Variants in CPA4 observed in about 807,000 individuals in gnomAD.
CPA4 encodes carboxypeptidase A4.
In CPA4, 49 loss-of-function variants were observed where a neutral mutation model predicts 54.7. The ratio of observed to expected loss-of-function variants is 0.90; its 90% CI spans 0.71 to 1.14. The LOEUF (loss-of-function observed/expected upper bound fraction) is 1.14. Among genes scored for constraint, CPA4 ranks in the 50% most tolerant of loss-of-function variants. The pLI, the probability that CPA4 is intolerant of heterozygous loss-of-function variation, is 0.00. For missense variants in CPA4, 487 were observed against 525.1 expected, an observed-to-expected ratio of 0.93 and a Z score of 0.71; for synonymous variants, 215 against 206.8, an observed-to-expected ratio of 1.04 and a Z score of -0.34.
chr7:130,293,346 A>C, intron 1 of CPA4, 98 bp downstream of exon 1: 1 of 783,828 alleles, frequency 1.3e-6, no homozygotes, highest in South Asian at 1.4e-5. Flanking sequence ...ATGGAGGAAG[A>C]AGACCTGGGC....
In CPA4 at chr7:130,306,899, T is replaced by C. The variant is rs1193027328; in HGVS notation, c.702+2T>C. The C allele has an allele frequency of 6.7e-7, 1 of 1,496,580 alleles. No individual in the cohort carries two copies. The highest frequency in any genetic ancestry group is 9.3e-7 in the Non-Finnish European group (1 of 1,072,950). 92.7% of individuals were successfully genotyped at this position (1,496,580 alleles called of 1,614,324 possible). A position where few individuals can be genotyped will look rare whatever the true frequency, so the allele number is the denominator to read the frequency against. ...GGATATGTGTATACTCAAACTCAAGTGAGTATTCCCAAATGGGCTGGGCTT... is the reference window on the plus strand; with the variant it reads ...GGATATGTGTATACTCAAACTCAAGCGAGTATTCCCAAATGGGCTGGGCTT... On this transcript the variant is annotated splice_donor_variant, in intron 7 of 10. Transcript: ENST00000222482. LOFTEE classifies it high-confidence loss of function.
At chr7:130,304,274 A>T (rs1793783349) in intron 4 of CPA4, among the ~76,000 whole-genome samples, 1 of 152,220 alleles carries the variant, frequency 6.6e-6, no homozygotes, top group South Asian at 2.1e-4. Context: ...TTGTGAACAA[A>T]CAAGTGTGCT....
chr7:130,295,283 T>C (rs963289154), intron 1 of CPA4, among the ~76,000 whole-genome samples: 1 of 152,108 alleles, frequency 6.6e-6, no homozygotes, highest in African/African-American at 2.4e-5. Context: ...GTCACCAAAG[T>C]GGGTATTGAC....
rs948758725 is a variant in CPA4 at position 130,317,758 on chromosome 7, C to T, written c.1079-4731C>T. Among the ~76,000 whole-genome samples the T allele has an allele frequency of 3.3e-5, 5 of 152,122 alleles. No homozygotes were observed. In the East Asian group the frequency reaches 9.6e-4, roughly 29 times the overall value. ...CTGGGATTACAGGCGTGAGCCACCT[C>T]GCCCTTCTTTCCCCTCTATTGGCTT... On this transcript the variant is annotated intron_variant, in intron 10 of 10. Transcript: ENST00000222482.
chr7:130,311,663 C>T (rs1318407180), intron 9 of CPA4, among the ~76,000 whole-genome samples: 2 of 152,158 alleles, frequency 1.3e-5, no homozygotes, highest in East Asian at 1.9e-4. Context: ...CTCATGTGTG[C>T]ATGACGTCTC....
Position 130,322,568 on chromosome 7 carries a change from C to A in CPA4, c.1158C>A (p.Thr386=). Residue 386 remains threonine, a synonymous_variant, in exon 11 of 11, where the codon ACC becomes ACA. Coordinates refer to ENST00000222482, the MANE Select transcript of CPA4 (RefSeq NM_016352.4). ...KFAFTFELRD[T]GTYGFLLPAN... is the part of the protein sequence containing the mutation. ...CATTCACATTTGAGTTGAGAGATACCGGGACCTATGGCTTCCTCCTGCCAG... is the reference window on the plus strand; with the variant it reads ...CATTCACATTTGAGTTGAGAGATACAGGGACCTATGGCTTCCTCCTGCCAG... 1.9e-6 allele frequency: 3 copies of A among 1,614,126 alleles called. No homozygotes were observed. Among genetic ancestry groups the A allele is most frequent in the Non-Finnish European group, 1.7e-6 (2 of 1,179,998 alleles).
In CPA4 at chr7:130,299,366, C is replaced by G. The variant is rs755348480; in HGVS notation, c.247C>G (p.Gln83Glu). 21 of 1,613,950 alleles carry G rather than the reference C, an allele frequency of 1.3e-5. No individual in the cohort carries two copies. Among genetic ancestry groups the G allele is most frequent in the Non-Finnish European group, 1.7e-5 (20 of 1,179,948 alleles). Residue 83 changes from glutamine to glutamate, a missense_variant, in exon 3 of 11, where the codon CAG becomes GAG. Transcript: ENST00000222482. ...LQAFKSFLRSQGLEYAVTIED... is the reference protein window; with the variant it reads ...LQAFKSFLRSEGLEYAVTIED... ...GGCATTTAAATCCTTCCTGAGATCC[C>G]AGGGCTTAGAGTACGCAGTGACAAT...
intron 9 of CPA4, among the ~76,000 whole-genome samples, chr7:130,311,441 C>G (rs927036304): frequency 3.9e-5 from 6 of 151,916 alleles, no homozygotes; most frequent in African/African-American, 1.5e-4. Flanking sequence ...AGGTGGCTGC[C>G]CAGGCTCACA....
At chr7:130,303,706 G>T (rs1410752114) in intron 4 of CPA4, among the ~76,000 whole-genome samples, 1 of 151,668 alleles carries the variant, frequency 6.6e-6, no homozygotes, top group Admixed American at 6.6e-5. Flanking sequence ...GTGGCTCACT[G>T]TAGCCTAAAC....
intron 10 of CPA4, among the ~76,000 whole-genome samples, chr7:130,316,806 G>A (rs934968637): frequency 7.3e-5 from 11 of 151,204 alleles, no homozygotes; most frequent in African/African-American, 2.7e-4. Context: ...TGTGGTGTGC[G>A]CCTGTAATCC....
At chr7:130,314,506 G>C (rs1275679265) in intron 10 of CPA4, among the ~76,000 whole-genome samples, 2 of 152,206 alleles carry the variant, frequency 1.3e-5, no homozygotes, top group Non-Finnish European at 2.9e-5. Flanking sequence ...TGTAGGAAGA[G>C]CTGCGTAAGC....
rs1181639782 is a variant in CPA4, at chr7:130,310,705, G to A, written c.794-82G>A. The A allele has an allele frequency of 7.5e-6, 10 of 1,325,618 alleles. No homozygotes were observed. Among genetic ancestry groups the A allele is most frequent in the African/African-American group, 2.9e-5 (2 of 69,160 alleles). 82.1% of individuals were successfully genotyped at this position (1,325,618 alleles called of 1,614,324 possible). Reference sequence around the variant, plus strand: ...TGGCCTGCCCATTCCCAATACCTTCGGCCCCTCTCTAGGTGGAGCGTCTTG... The same window carrying A: ...TGGCCTGCCCATTCCCAATACCTTCAGCCCCTCTCTAGGTGGAGCGTCTTG... On this transcript the variant is annotated intron_variant, in intron 8 of 10. Coordinates refer to ENST00000222482, the MANE Select transcript of CPA4 (RefSeq NM_016352.4). The surrounding 1 kb of genome is among the most constrained non-coding windows in gnomAD (Gnocchi z 4.3).
rs559507670 is a variant in CPA4 at position 130,309,092 on chromosome 7, C to T, written c.793+695C>T. ...AACTCCTGAACTCAGGTCATCTGCC[C>T]GCCTCAGCCTCCCAAAGTGCTGGGA... On this transcript the variant is annotated intron_variant, in intron 8 of 10. Coordinates refer to ENST00000222482, the MANE Select transcript of CPA4 (RefSeq NM_016352.4). Among the ~76,000 whole-genome samples the T allele has an allele frequency of 3.9e-5, 6 of 152,070 alleles. No individual in the cohort carries two copies. In the South Asian group the frequency reaches 1.0e-3, roughly 26 times the overall value.
rs751031919 is a variant in CPA4, at chr7:130,304,572, T to TA, written c.480dup (p.Leu161ThrfsTer41). Reference sequence around the variant, plus strand: ...TCGTTTGAAAACCGGCCGATGTATGTACTGAAGGTGAGGCCACATGCACTT... The same window carrying TA: ...TCGTTTGAAAACCGGCCGATGTATGTAACTGAAGGTGAGGCCACATGCACTT... On this transcript the variant is annotated frameshift_variant, in exon 5 of 11. Transcript: ENST00000222482. LOFTEE classifies it high-confidence loss of function. 1 of 1,603,148 alleles carries TA rather than the reference T, an allele frequency of 6.2e-7. No homozygotes were observed. Among genetic ancestry groups the TA allele is most frequent in the South Asian group, 1.1e-5 (1 of 90,898 alleles).
At chr7:130,321,523 A>G (rs1001701402) in intron 10 of CPA4, among the ~76,000 whole-genome samples, 1 of 152,142 alleles carries the variant, frequency 6.6e-6, no homozygotes, top group Admixed American at 6.5e-5. Flanking sequence ...GCCTCAGTCA[A>G]CCTAAGGCTT....
intron 3 of CPA4, among the ~76,000 whole-genome samples, chr7:130,300,073 T>C (rs532929282): frequency 6.6e-6 from 1 of 152,194 alleles, no homozygotes. Context: ...AGTTTCCTGA[T>C]GGCGTTAGCA....
At chr7:130,298,948 CA>C in intron 2 of CPA4, 121 bp downstream of exon 2, 1 of 675,076 alleles carries the variant, frequency 1.5e-6, no homozygotes, top group Non-Finnish European at 2.6e-6. Context: ...TGTGGGAGTC[CA>C]CTTGCCATTT....
rs576714890 is a variant in CPA4 at position 130,322,418 on chromosome 7, G to A, written c.1079-71G>A. ...CCTTAAGGAACCCCAGGCAGGCAGA[G>A]CTCTTGGCCCCTTCCCATCTAACCC... On this transcript the variant is annotated intron_variant, in intron 10 of 10. Transcript: ENST00000222482. 36 of 1,313,494 alleles carry A rather than the reference G, an allele frequency of 2.7e-5. No homozygotes were observed. The African/African-American group carries it at 5.0e-4, about 18-fold the overall frequency. The allele number at this position is 1,313,494 out of a possible 1,614,324, so 81.4% of individuals were successfully genotyped here.
chr7:130,295,984 TG>T (rs1793642650), intron 1 of CPA4, among the ~76,000 whole-genome samples: 3 of 152,032 alleles, frequency 2.0e-5, no homozygotes, highest in Admixed American at 2.0e-4. Flanking sequence ...AAACTCCATC[TG>T]AAAAAAAAGG....
Sources: gnomAD v4.1 joint callset for allele counts (sites outside exome capture counted in the v4.1 genomes callset) on GRCh38, gnomAD v4.1.1 for gene constraint, Gnocchi (gnomAD v3.1) non-coding constraint, MANE v1.5 for transcripts, NCBI Gene and HGNC (gene_info 2026-07-23, HGNC 2026-07-21) for gene names.